Variants in MIDN observed in about 807,000 individuals in gnomAD.
The protein encoded by MIDN is midbrain nucleolar protein.
MIDN carries 26 observed loss-of-function variants against 46.1 expected under a neutral mutation model. That is an observed-to-expected ratio of 0.56 (90% CI 0.41 to 0.78). MIDN has a LOEUF of 0.78. Ranked by LOEUF, MIDN falls within the 30% of genes least tolerant of loss-of-function variation. The pLI is 0.00. For missense variants in MIDN, 850 were observed against 771.8 expected, an observed-to-expected ratio of 1.10 and a Z score of -1.20; for synonymous variants, 432 against 343.3, an observed-to-expected ratio of 1.26 and a Z score of -2.86.
chr19:1,251,536 C>G (rs2145486940), intron 2 of MIDN, 26 bp from the exon 3 acceptor site: 3 of 1,604,926 alleles, frequency 1.9e-6, no homozygotes, highest in Non-Finnish European at 2.5e-6. Context: ...TCCGCGGAGT[C>G]TCATGCTCTT....
rs759609082 is a variant in MIDN, at chr19:1,251,792, AG to A, written c.322-45del. ...CCCTCTCCACCCCCTATTCCAGCCC[AG>A]GATTCCGACCCCACACTCAGGCCCC... is the stretch of plus-strand genomic sequence containing the variant. On this transcript the variant is annotated intron_variant, in intron 3 of 8. Coordinates refer to ENST00000682408, the MANE Select transcript of MIDN (RefSeq NM_001388306.1). 2.9e-5 allele frequency: 46 copies of A among 1,578,784 alleles called. No homozygotes were observed. The South Asian group carries it at 5.0e-4, about 17-fold the overall frequency.
chr19:1,254,489 G>A lies in MIDN; in HGVS notation c.825+11G>A, dbSNP rs1330582893. 3.2e-6 allele frequency: 5 copies of A among 1,543,420 alleles called. No homozygotes were observed. Among genetic ancestry groups the A allele is most frequent in the Middle Eastern group, 3.3e-4 (2 of 5,996 alleles). On this transcript the variant is annotated intron_variant, in intron 6 of 8. Coordinates refer to ENST00000682408, the MANE Select transcript of MIDN (RefSeq NM_001388306.1). ...ACCACCTGCCCGGAGGTGAGCCTGG[G>A]GAAGGGAAGGGTGACCCTTGGTTGG... is the stretch of plus-strand genomic sequence containing the variant.
intron 8 of MIDN, among the ~76,000 whole-genome samples, chr19:1,256,380 G>A (rs2081199234): frequency 1.3e-5 from 2 of 152,024 alleles, no homozygotes; most frequent in African/African-American, 4.8e-5. Context: ...CTACTCGGGA[G>A]GCTGAGACAG....
intron 4 of MIDN, among the ~76,000 whole-genome samples, chr19:1,252,492 G>C (rs916416219): frequency 6.6e-6 from 1 of 152,148 alleles, no homozygotes; most frequent in African/African-American, 2.4e-5. Context: ...TTAGTAAGCG[G>C]CCAGGAGGGA....
Position 1,257,522 on chromosome 19 carries a change from C to T in MIDN, c.*250C>T. 1 of 446,456 alleles carries T rather than the reference C, an allele frequency of 2.2e-6. No individual in the cohort carries two copies. Among genetic ancestry groups the T allele is most frequent in the Non-Finnish European group, 3.9e-6 (1 of 254,164 alleles). 27.7% of individuals were successfully genotyped at this position (446,456 alleles called of 1,614,324 possible). ...CCTTCACTCCTGCCCTCCTCTTCCTCCTCCTCCTCCTCCTCCGTCTGTCTC... is the reference window on the plus strand; with the variant it reads ...CCTTCACTCCTGCCCTCCTCTTCCTTCTCCTCCTCCTCCTCCGTCTGTCTC... On this transcript the variant is annotated 3_prime_UTR_variant, in exon 9 of 9. Transcript: ENST00000682408.
intron 8 of MIDN, among the ~76,000 whole-genome samples, chr19:1,256,387 A>G (rs908883802): frequency 2.6e-5 from 4 of 151,796 alleles, no homozygotes; most frequent in Non-Finnish European, 5.9e-5. Context: ...GGAGGCTGAG[A>G]CAGGAGAATG....
intron 2 of MIDN, chr19:1,251,186 C>T (rs944728377): frequency 1.1e-5 from 2 of 183,904 alleles, no homozygotes; most frequent in African/African-American, 4.7e-5. Flanking sequence ...ACCCGTGGTT[C>T]CTACAAAGAG....
rs754516737 is a variant in MIDN at position 1,254,858 on chromosome 19, CCT to C, written c.826-43_826-42del. 3.1e-5 allele frequency: 49 copies of C among 1,561,986 alleles called. 1 individual carries two copies. The East Asian group carries it at 3.4e-4, about 11-fold the overall frequency. On this transcript the variant is annotated intron_variant, in intron 6 of 8. Coordinates refer to ENST00000682408, the MANE Select transcript of MIDN (RefSeq NM_001388306.1). ...CTGGTCCCTGGGTTGCTGGTGATCC[CCT>C]GATCCTGGACCCCGTGCTCATGTGC...
At chr19:1,252,188 C>T (rs958706091) in intron 4 of MIDN, among the ~76,000 whole-genome samples, 6 of 152,336 alleles carry the variant, frequency 3.9e-5, no homozygotes, top group Admixed American at 1.3e-4. Context: ...GCCTCATCCC[C>T]GCTCACACCC....
chr19:1,253,072 G>T (rs189433180), intron 4 of MIDN, among the ~76,000 whole-genome samples: 1 of 151,900 alleles, frequency 6.6e-6, no homozygotes, highest in African/African-American at 2.4e-5. Flanking sequence ...GAGACACTGG[G>T]CTCCCCAGGG....
chr19:1,253,992 A>C lies in MIDN; in HGVS notation c.423A>C (p.Gly141=), dbSNP rs946503615. Residue 141 remains glycine, a synonymous_variant, in exon 5 of 9, where the codon GGA becomes GGC. Transcript: ENST00000682408. ...AAPGPGRAGG[G]GFRKYRFILF... ...CCGGGCCGGGCCGGGCTGGCGGAGG[A>C]GGCTTCCGGAAATACAGATTCATTT... is the stretch of plus-strand genomic sequence containing the variant. 2.2e-5 allele frequency: 31 copies of C among 1,391,406 alleles called. No individual in the cohort carries two copies. The highest frequency in any genetic ancestry group is 2.6e-5 in the Non-Finnish European group (28 of 1,080,526). 86.2% of individuals were successfully genotyped at this position (1,391,406 alleles called of 1,614,324 possible).
intron 6 of MIDN, 23 bp downstream of exon 6, chr19:1,254,501 T>C: frequency 6.5e-7 from 1 of 1,539,020 alleles, no homozygotes; most frequent in Non-Finnish European, 8.7e-7. Flanking sequence ...AAGGGAAGGG[T>C]GACCCTTGGT....
intron 2 of MIDN, chr19:1,251,335 G>A (rs929833895): frequency 1.7e-5 from 9 of 544,840 alleles, no homozygotes; most frequent in African/African-American, 3.9e-5. Flanking sequence ...GTCCAGGGCG[G>A]GGGTTCCACT....
At chr19:1,255,295 C>T in intron 7 of MIDN, 127 bp from the exon 8 acceptor site, 4 of 1,295,306 alleles carry the variant, frequency 3.1e-6, no homozygotes, top group Non-Finnish European at 4.2e-6. Flanking sequence ...GCCCCGTGGT[C>T]CCTCGTGCAC....
rs1239127438 is a variant in MIDN, at chr19:1,254,987, G to A, written c.911G>A (p.Arg304His). 13 of 1,612,902 alleles carry A rather than the reference G, an allele frequency of 8.1e-6. No homozygotes were observed. Among genetic ancestry groups the A allele is most frequent in the Admixed American group, 3.3e-5 (2 of 59,980 alleles). The change falls in exon 7 of 9, where the codon CGC becomes CAC. Residue 304 changes from arginine (R) to histidine (H), a missense_variant. Physicochemically the swap from Arg to His is conservative, Grantham distance 29 (BLOSUM62 0). Coordinates refer to ENST00000682408, the MANE Select transcript of MIDN (RefSeq NM_001388306.1). The part of the protein sequence containing the change: ...TSTPGASPAP[R>H]SRKPGAVIES... ...ACCCCAGGGGCCAGCCCTGCCCCCCGCTCCCGAAAACCCGGCGCCGTCATC... is the reference window on the plus strand; with the variant it reads ...ACCCCAGGGGCCAGCCCTGCCCCCCACTCCCGAAAACCCGGCGCCGTCATC...
rs1491338001 is a variant in MIDN at position 1,257,536 on chromosome 19, TCC to T, written c.*265_*266del. 211 of 437,006 alleles carry T rather than the reference TCC, an allele frequency of 4.8e-4. No homozygotes were observed. The highest frequency in any genetic ancestry group is 2.2e-3 in the African/African-American group (104 of 46,884). The allele number at this position is 437,006 out of a possible 1,614,324, so 27.1% of individuals were successfully genotyped here. On this transcript the variant is annotated 3_prime_UTR_variant, in exon 9 of 9. Coordinates refer to ENST00000682408, the MANE Select transcript of MIDN (RefSeq NM_001388306.1). Reference sequence around the variant, plus strand: ...CTCCTCTTCCTCCTCCTCCTCCTCCTCCGTCTGTCTCCTTTCACCTCTGCGCC... The same window carrying T: ...CTCCTCTTCCTCCTCCTCCTCCTCCTGTCTGTCTCCTTTCACCTCTGCGCC...
At position 1,255,510 on chromosome 19, in the gene MIDN, C is replaced by T. The variant is rs779277617; in HGVS notation, c.1074C>T (p.Ser358=). The T allele has an allele frequency of 1.1e-5, 18 of 1,611,550 alleles. No homozygotes were observed. The highest frequency in any genetic ancestry group is 8.0e-5 in the African/African-American group (6 of 74,916). ...TILQILNDLL[S]ATRHYQGMPP... ...TGCAGATCCTGAACGACCTCCTGAG[C>T]GCCACCCGGCACTACCAGGGCATGC... Residue 358 remains serine, a synonymous_variant, in exon 8 of 9, where the codon AGC becomes AGT. Coordinates refer to ENST00000682408, the MANE Select transcript of MIDN (RefSeq NM_001388306.1).
At chr19:1,249,807 T>C (rs1489169655) in intron 1 of MIDN, 83 bp from the exon 2 acceptor site, 1 of 150,432 alleles carries the variant, frequency 6.6e-6, no homozygotes, top group Non-Finnish European at 1.5e-5. Flanking sequence ...GCGGAGTAAG[T>C]AGTGAATGGG....
Position 1,251,423 on chromosome 19 carries a change from G to A in MIDN, c.234-139G>A, listed in dbSNP as rs2081126117. 9.6e-6 allele frequency: 7 copies of A among 729,622 alleles called. No individual in the cohort carries two copies. The East Asian group carries it at 1.7e-4, about 18-fold the overall frequency. The allele number at this position is 729,622 out of a possible 1,614,324, so 45.2% of individuals were successfully genotyped here. On this transcript the variant is annotated intron_variant, in intron 2 of 8. Transcript: ENST00000682408. ...CCTCTCTGCACGCGCTTAGGGCCCT[G>A]GATCTGGAAGCCGGGAAGGGGTGGG...
Sources: allele counts gnomAD v4.1 joint callset (sites outside exome capture counted in the v4.1 genomes callset), GRCh38; gene constraint gnomAD v4.1.1; transcripts MANE v1.5; gene names NCBI Gene and HGNC (gene_info 2026-07-23, HGNC 2026-07-21).